The following AP3B1 variants were observed in gnomAD, a reference collection of about 807,000 sequenced individuals.
AP3B1 encodes adaptor related protein complex 3 subunit beta 1.
AP3B1 carries 61 observed loss-of-function variants against 132.5 expected under a neutral mutation model. The observed-to-expected ratio is 0.46, with a 90% CI of 0.37 to 0.57. The LOEUF is 0.57. Among genes scored for constraint, AP3B1 ranks in the 20% least tolerant of loss-of-function variants. The pLI is 0.00. For missense variants in AP3B1, 1,120 were observed against 1,289.4 expected (o/e 0.87, Z 2.01); for synonymous variants, 388 against 438.3 (o/e 0.89, Z 1.43).
chr5:78,040,711 T>A (rs1381801830), intron 22 of AP3B1, among the ~76,000 whole-genome samples: 1 of 152,168 alleles, frequency 6.6e-6, no homozygotes, highest in Non-Finnish European at 1.5e-5. Flanking sequence ...ACAGGCTTGA[T>A]TAAGATTTTT....
intron 9 of AP3B1, among the ~76,000 whole-genome samples, chr5:78,176,320 G>A (rs1744145514): frequency 6.6e-6 from 1 of 150,972 alleles, no homozygotes. Flanking sequence ...AGGTCTTTCT[G>A]ATATCTTTTG....
intron 26 of AP3B1, among the ~76,000 whole-genome samples, chr5:78,003,931 G>C (rs1746287080): frequency 6.6e-6 from 1 of 152,208 alleles, no homozygotes; most frequent in Non-Finnish European, 1.5e-5. Context: ...GAAGAGGACA[G>C]GAACCTCCCA....
At chr5:78,175,867 G>A (rs1210609802) in intron 9 of AP3B1, 29 bp from the exon 10 acceptor site, 2 of 1,539,132 alleles carry the variant, frequency 1.3e-6, no homozygotes, top group Non-Finnish European at 9.0e-7. Context: ...TTTTTACTGG[G>A]TATATGTTCC....
At chr5:78,116,013 T>C (rs2112264978) in intron 18 of AP3B1, 113 bp downstream of exon 18, 3 of 790,164 alleles carry the variant, frequency 3.8e-6, no homozygotes, top group Middle Eastern at 2.3e-4. Flanking sequence ...ATTTTGATAA[T>C]ACAAACTTCA....
chr5:78,168,014 A>C (rs375876994), intron 11 of AP3B1, among the ~76,000 whole-genome samples: 2 of 80,888 alleles, frequency 2.5e-5, no homozygotes, highest in Non-Finnish European at 5.4e-5. Context: ...AAACCTACTG[A>C]AAAAAAAAAA....
chr5:78,157,201 G>A (rs1743185939), intron 13 of AP3B1, among the ~76,000 whole-genome samples: 1 of 152,038 alleles, frequency 6.6e-6, no homozygotes, highest in Admixed American at 6.5e-5. Context: ...GCAGGGTCTG[G>A]TAACTGCTCC....
rs529459975 is a variant in AP3B1 at position 78,271,890 on chromosome 5, G to A, written c.129-4295C>T. ...TGCTTCTTTGCCATATTTTTGAACC[G>A]GCCCTGCAAAGCAGCCTTTTGTGGA... is the stretch of plus-strand genomic sequence containing the variant. On this transcript the variant is annotated intron_variant, in intron 1 of 26. Transcript: ENST00000255194. Among the ~76,000 whole-genome samples the A allele has an allele frequency of 3.3e-5, 5 of 152,198 alleles. No individual in the cohort carries two copies. In the South Asian group the frequency reaches 6.2e-4, roughly 19 times the overall value.
intron 14 of AP3B1, among the ~76,000 whole-genome samples, chr5:78,142,580 A>G (rs1389723179): frequency 1.3e-5 from 2 of 152,152 alleles, no homozygotes; most frequent in Non-Finnish European, 2.9e-5. Flanking sequence ...TTTTATCACA[A>G]TATCTACCAT....
intron 22 of AP3B1, among the ~76,000 whole-genome samples, chr5:78,070,597 A>T (rs1333029522): frequency 6.6e-6 from 1 of 152,156 alleles, no homozygotes; most frequent in Non-Finnish European, 1.5e-5. Context: ...GCACAGCAAA[A>T]GAAACTATCA....
intron 17 of AP3B1, among the ~76,000 whole-genome samples, chr5:78,118,663 C>T (rs1206047997): frequency 1.3e-5 from 2 of 152,228 alleles, no homozygotes; most frequent in Admixed American, 1.3e-4. Flanking sequence ...ATTAGGTAAA[C>T]AAAGCAGCCA....
chr5:78,056,167 T>C (rs1156403289), intron 22 of AP3B1, among the ~76,000 whole-genome samples: 1 of 152,190 alleles, frequency 6.6e-6, no homozygotes, highest in Non-Finnish European at 1.5e-5. Context: ...GCAATGAAGG[T>C]ACCCTCAGGA....
chr5:78,269,181 T>A (rs901913481), intron 1 of AP3B1, among the ~76,000 whole-genome samples: 2 of 150,400 alleles, frequency 1.3e-5, no homozygotes, highest in African/African-American at 4.8e-5. Context: ...GAATTAGCAA[T>A]ATTTTCCTCA....
At chr5:78,039,601 C>G (rs887030006) in intron 22 of AP3B1, among the ~76,000 whole-genome samples, 1 of 151,954 alleles carries the variant, frequency 6.6e-6, no homozygotes, top group African/African-American at 2.4e-5. Context: ...CGGTGAAACT[C>G]CGTCTCTACT....
At chr5:78,013,350 A>G (rs977118538) in intron 26 of AP3B1, among the ~76,000 whole-genome samples, 2 of 152,048 alleles carry the variant, frequency 1.3e-5, no homozygotes, top group African/African-American at 4.8e-5. Flanking sequence ...CAGCCTTGAC[A>G]TTTTTTCTTC....
intron 17 of AP3B1, among the ~76,000 whole-genome samples, chr5:78,120,580 T>C (rs252766): frequency 0.19 from 28,448 of 149,744 alleles, 1,521 homozygotes; most frequent in Admixed American, 0.27. Context: ...CCAACAAAGA[T>C]CAAAAGAGAC....
chr5:78,165,972 G>A (rs1337480626), intron 11 of AP3B1, among the ~76,000 whole-genome samples: 1 of 152,086 alleles, frequency 6.6e-6, no homozygotes, highest in African/African-American at 2.4e-5. Context: ...CAGCTACTTG[G>A]GAGGCTGAGG....
intron 8 of AP3B1, among the ~76,000 whole-genome samples, chr5:78,178,789 T>A (rs1744252938): frequency 6.6e-6 from 1 of 152,182 alleles, no homozygotes; most frequent in South Asian, 2.1e-4. Context: ...AATATTAATT[T>A]AATTCTGCCT....
intron 7 of AP3B1, among the ~76,000 whole-genome samples, chr5:78,187,507 T>A (rs919855976): frequency 6.6e-6 from 1 of 152,188 alleles, no homozygotes; most frequent in African/African-American, 2.4e-5. Context: ...TTGCTTATTT[T>A]GCTGTACAAA....
intron 3 of AP3B1, among the ~76,000 whole-genome samples, chr5:78,235,067 C>T (rs1156325886): frequency 6.6e-6 from 1 of 152,016 alleles, no homozygotes; most frequent in Non-Finnish European, 1.5e-5. Flanking sequence ...CGCTCTGTTG[C>T]CCAGGCTGGC....
Sources: gnomAD v4.1 joint callset for allele counts (sites outside exome capture counted in the v4.1 genomes callset) on GRCh38, gnomAD v4.1.1 for gene constraint, MANE v1.5 for transcripts, NCBI Gene and HGNC (gene_info 2026-07-23, HGNC 2026-07-21) for gene names.